NFATC1: variants seen among roughly 807,000 people sequenced by gnomAD.
NFATC1 encodes nuclear factor of activated T-cells, cytoplasmic 1.
A neutral mutation model predicts 76.0 loss-of-function variants in NFATC1; 22 were observed. The observed-to-expected ratio is 0.29, with a 90% CI of 0.21 to 0.41. NFATC1 has a LOEUF of 0.41. NFATC1 is among the 10% of genes least tolerant of loss of function. The pLI, the probability that NFATC1 is intolerant of heterozygous loss-of-function variation, is 1.00. For missense variants in NFATC1, 1,357 were observed against 1,337.7 expected (o/e 1.01, Z -0.23); for synonymous variants, 704 against 613.1 (o/e 1.15, Z -2.19).
intron 6 of NFATC1, among the ~76,000 whole-genome samples, chr18:79,458,651 G>T (rs1023701070): frequency 6.6e-6 from 1 of 152,230 alleles, no homozygotes; most frequent in Non-Finnish European, 1.5e-5. Flanking sequence ...CTAAGGACTC[G>T]GAGCTCTGAT....
At chr18:79,454,962 C>T (rs546605369) in intron 6 of NFATC1, among the ~76,000 whole-genome samples, 9 of 152,160 alleles carry the variant, frequency 5.9e-5, no homozygotes, top group Admixed American at 6.5e-5. Flanking sequence ...TCTGTACACG[C>T]GTGAACGTTG....
chr18:79,464,698 A>ATATATATATATATATAT (rs1329123171), intron 7 of NFATC1, among the ~76,000 whole-genome samples: 1 of 94,870 alleles, frequency 1.1e-5, no homozygotes, highest in Non-Finnish European at 2.0e-5. Flanking sequence ...ATATATATTT[A>ATATATATATATATATAT]TTTATTTATT....
Position 79,486,547 on chromosome 18 carries a change from C to T in NFATC1, c.2392C>T (p.Pro798Ser). Residue 798 changes from proline (P) to serine (S), a missense_variant, in exon 9 of 10, where the codon CCC (proline) becomes TCC (serine). By Grantham distance (74) the Pro-to-Ser change is moderately conservative. Around this residue, in one of 3 missense-constraint regions of NFATC1, gnomAD observed 424 missense variants for 395.4 expected, o/e 1.07. Transcript: ENST00000427363. ...ACTCCCGCAGCCGGCCGGAGAGGCC[C>T]CCGCCGTCCAGGACGTGCCCAGGCC... ...LGLPQPAGEA[P>S]AVQDVPRPVA... The T allele has an allele frequency of 1.3e-6, 2 of 1,596,224 alleles. No homozygotes were observed. The highest frequency in any genetic ancestry group is 1.7e-6 in the Non-Finnish European group (2 of 1,176,632).
chr18:79,400,585 C>A (rs1324616506), intron 1 of NFATC1: 14 of 1,038,804 alleles, frequency 1.3e-5, no homozygotes, highest in Admixed American at 4.4e-5. Context: ...CCAGGAGTCC[C>A]CGGCGCGCCC....
intron 2 of NFATC1, among the ~76,000 whole-genome samples, chr18:79,413,110 C>T (rs1434420747): frequency 1.3e-5 from 2 of 152,190 alleles, no homozygotes; most frequent in Non-Finnish European, 2.9e-5. Flanking sequence ...ATGTACAACG[C>T]GCTTCATGGT....
chr18:79,397,350 A>G (rs960982196), intron 1 of NFATC1, among the ~76,000 whole-genome samples: 1 of 152,250 alleles, frequency 6.6e-6, no homozygotes, highest in East Asian at 1.9e-4. Flanking sequence ...TATGTACTTC[A>G]TAAGGGCAGA....
intron 1 of NFATC1, among the ~76,000 whole-genome samples, chr18:79,405,896 G>A (rs1279592695): frequency 4.6e-5 from 7 of 152,310 alleles, no homozygotes; most frequent in Non-Finnish European, 1.0e-4. Context: ...CTCTCGCTGT[G>A]GGCGGAGTCT....
At chr18:79,402,451 T>G in intron 1 of NFATC1, 1 of 953,978 alleles carries the variant, frequency 1.0e-6, no homozygotes, top group Non-Finnish European at 1.2e-6. Flanking sequence ...GCAGAATGAG[T>G]GAAGCCGTGA....
intron 8 of NFATC1, among the ~76,000 whole-genome samples, chr18:79,483,139 G>C (rs1483445558): frequency 3.4e-5 from 3 of 87,058 alleles, no homozygotes; most frequent in African/African-American, 4.7e-5. Context: ...AGCGTGACCT[G>C]GTTCCTGGGG....
At chr18:79,479,580 G>A (rs1246146051) in intron 8 of NFATC1, among the ~76,000 whole-genome samples, 1 of 152,258 alleles carries the variant, frequency 6.6e-6, no homozygotes, top group Non-Finnish European at 1.5e-5. Flanking sequence ...GGAAGCAGCC[G>A]TGTGGCTTTC....
chr18:79,455,195 C>T (rs2087638587), intron 6 of NFATC1, among the ~76,000 whole-genome samples: 3 of 152,248 alleles, frequency 2.0e-5, no homozygotes, highest in Admixed American at 2.0e-4. Flanking sequence ...TTTTTAAAAA[C>T]ATCAGCGAAG....
chr18:79,450,580 C>T (rs542796555), intron 4 of NFATC1, among the ~76,000 whole-genome samples: 12 of 152,306 alleles, frequency 7.9e-5, no homozygotes, highest in Non-Finnish European at 1.2e-4. Flanking sequence ...GTGACATCCC[C>T]GTATACGTGG....
chr18:79,484,833 C>T (rs1285594879), intron 8 of NFATC1, among the ~76,000 whole-genome samples: 2 of 152,106 alleles, frequency 1.3e-5, no homozygotes, highest in African/African-American at 4.8e-5. Flanking sequence ...CCTTCACGAC[C>T]GCCGGGACCT....
chr18:79,473,925 C>G (rs910875746), intron 8 of NFATC1, among the ~76,000 whole-genome samples: 37 of 142,532 alleles, frequency 2.6e-4, no homozygotes, highest in Non-Finnish European at 5.2e-4. Context: ...CGTGTTCTCA[C>G]GCTCACTGTC....
rs1484734106 is a variant in NFATC1 at position 79,416,666 on chromosome 18, A to G, written c.1226+5165A>G. On this transcript the variant is annotated intron_variant, in intron 2 of 9. Coordinates refer to ENST00000427363, the MANE Select transcript of NFATC1 (RefSeq NM_001278669.2). ...GTGTCGAGTTGCCCCATGGTTTGTA[A>G]AACACTGGCATGGGCTGGAACGGCT... is the stretch of plus-strand genomic sequence containing the variant. 5.9e-5 allele frequency among the ~76,000 whole-genome samples: 9 copies of G among 152,168 alleles called. No individual in the cohort carries two copies. The South Asian group carries it at 1.7e-3, about 28-fold the overall frequency.
chr18:79,416,588 G>A (rs915647087), intron 2 of NFATC1, among the ~76,000 whole-genome samples: 4 of 152,218 alleles, frequency 2.6e-5, no homozygotes, highest in Non-Finnish European at 2.9e-5. Flanking sequence ...GGTCTTCCCC[G>A]AGCTTCCCGC....
intron 1 of NFATC1, among the ~76,000 whole-genome samples, chr18:79,406,040 T>G (rs1281892973): frequency 2.0e-5 from 3 of 152,130 alleles, no homozygotes; most frequent in African/African-American, 7.2e-5. Context: ...TCTAGAACCT[T>G]CCGGTGATCT....
chr18:79,512,119 C>G (rs1286563823), intron 9 of NFATC1, among the ~76,000 whole-genome samples: 1 of 152,096 alleles, frequency 6.6e-6, no homozygotes, highest in Non-Finnish European at 1.5e-5. Context: ...GAGCCGGCCT[C>G]AGGGAGGATG....
At chr18:79,486,224 T>G (rs1341079930) in intron 8 of NFATC1, 24 bp from the exon 9 acceptor site, 1 of 1,584,134 alleles carries the variant, frequency 6.3e-7, no homozygotes, top group Non-Finnish European at 8.6e-7. Context: ...TGTGTTTATT[T>G]AATTTTTTTT....
Sources: allele counts gnomAD v4.1 joint callset (sites outside exome capture counted in the v4.1 genomes callset), GRCh38; gene constraint gnomAD v4.1.1; regional missense constraint gnomAD v4.1.1; transcripts MANE v1.5; gene names NCBI Gene and HGNC (gene_info 2026-07-23, HGNC 2026-07-21).